Variants in LCORL observed in about 807,000 individuals in gnomAD.
The protein encoded by LCORL is ligand-dependent nuclear receptor corepressor-like protein.
A neutral mutation model predicts 141.8 loss-of-function variants in LCORL; 41 were observed. The ratio of observed to expected loss-of-function variants is 0.29; its 90% CI spans 0.23 to 0.38. The LOEUF is 0.38. LCORL is among the 10% of genes least tolerant of loss of function. The pLI, the probability that LCORL is intolerant of heterozygous loss-of-function variation, is 1.00. For synonymous variants in LCORL, 618 were observed against 694.1 expected, an observed-to-expected ratio of 0.89 and a Z score of 1.72; for missense variants, 1,759 against 2,035.0, an observed-to-expected ratio of 0.86 and a Z score of 2.61.
intron 1 of LCORL, among the ~76,000 whole-genome samples, chr4:18,010,285 AAAG>A (rs1337462391): frequency 6.6e-6 from 1 of 152,188 alleles, no homozygotes; most frequent in African/African-American, 2.4e-5. Context: ...GTTAATTTAA[AAAG>A]AAGAAAAAAC....
intron 1 of LCORL, among the ~76,000 whole-genome samples, chr4:17,986,097 T>C (rs1400605243): frequency 6.6e-6 from 1 of 152,252 alleles, no homozygotes; most frequent in Non-Finnish European, 1.5e-5. Flanking sequence ...TCCGAATCTC[T>C]TCTGGCTTGT....
intron 7 of LCORL, among the ~76,000 whole-genome samples, chr4:17,851,403 T>C (rs547016878): frequency 3.6e-4 from 55 of 152,288 alleles, no homozygotes; most frequent in African/African-American, 1.3e-3. Flanking sequence ...TCCCCTCACA[T>C]TGAAATATGT....
chr4:17,893,481 T>C (rs1729416922), intron 5 of LCORL: 1 of 985,326 alleles, frequency 1.0e-6, no homozygotes, highest in Non-Finnish European at 1.2e-6. Flanking sequence ...TCTCATGTGG[T>C]AGGTCAGTGG....
At chr4:17,969,655 G>A (rs549696352) in intron 2 of LCORL, among the ~76,000 whole-genome samples, 150 of 152,216 alleles carry the variant, frequency 9.9e-4, no homozygotes, top group African/African-American at 3.4e-3. Flanking sequence ...ATATTATCCT[G>A]AAGGATGGCT....
intron 7 of LCORL, among the ~76,000 whole-genome samples, chr4:17,850,158 G>T (rs1723461091): frequency 6.9e-6 from 1 of 144,148 alleles, no homozygotes; most frequent in Admixed American, 6.9e-5. Context: ...TTAAACGTTA[G>T]ACCTAAAACC....
chr4:17,962,547 A>G (rs1394436177), intron 3 of LCORL, among the ~76,000 whole-genome samples: 2 of 152,066 alleles, frequency 1.3e-5, no homozygotes, highest in Non-Finnish European at 1.5e-5. Context: ...GATAATTATG[A>G]TATCCAAAAG....
At chr4:17,925,435 A>C (rs1734962994) in intron 4 of LCORL, among the ~76,000 whole-genome samples, 1 of 152,046 alleles carries the variant, frequency 6.6e-6, no homozygotes, top group African/African-American at 2.4e-5. Flanking sequence ...TCGGGTAAAA[A>C]CCCACAGCCC....
intron 1 of LCORL, among the ~76,000 whole-genome samples, chr4:17,995,830 G>A (rs779572061): frequency 2.0e-5 from 3 of 152,074 alleles, no homozygotes; most frequent in Non-Finnish European, 2.9e-5. Context: ...TAATGAATAT[G>A]GAGTGAAGAC....
At chr4:17,841,581 C>T (rs1030291758) in exon 8 of LCORL, 4 of 151,832 alleles carry the variant, frequency 2.6e-5, no homozygotes, top group African/African-American at 7.2e-5. Flanking sequence ...TCACATTGAA[C>T]AGTTTGGTTT....
chr4:17,996,826 G>C (rs1720995395), intron 1 of LCORL, among the ~76,000 whole-genome samples: 1 of 151,978 alleles, frequency 6.6e-6, no homozygotes, highest in Non-Finnish European at 1.5e-5. Flanking sequence ...ATGGATATCA[G>C]AATCATTGTT....
chr4:17,858,548 C>A (rs1724621799), intron 7 of LCORL, among the ~76,000 whole-genome samples: 1 of 150,708 alleles, frequency 6.6e-6, no homozygotes, highest in Admixed American at 6.6e-5. Flanking sequence ...TGGAGAAACC[C>A]TGTCTTTACT....
chr4:18,005,138 C>T lies in LCORL; in HGVS notation c.154+16460G>A, dbSNP rs1397488669. On this transcript the variant is annotated intron_variant, in intron 1 of 7. Transcript: ENST00000635767. Reference sequence around the variant, plus strand: ...TTCTCTATGTTGGCCAGGCTGGTCTCGAACTCCTGACCTCAGGCGATCCAC... The same window carrying T: ...TTCTCTATGTTGGCCAGGCTGGTCTTGAACTCCTGACCTCAGGCGATCCAC... Among the ~76,000 whole-genome samples the T allele has an allele frequency of 2.0e-5, 3 of 152,194 alleles. 1 individual carries two copies. Among genetic ancestry groups the T allele is most frequent in the South Asian group, 4.1e-4 (2 of 4,828 alleles).
At chr4:17,979,903 G>A (rs1046744891) in intron 1 of LCORL, among the ~76,000 whole-genome samples, 1 of 152,124 alleles carries the variant, frequency 6.6e-6, no homozygotes, top group Non-Finnish European at 1.5e-5. Context: ...AGGAGGCAGA[G>A]GAGTCAGAAA....
intron 5 of LCORL, among the ~76,000 whole-genome samples, chr4:17,894,180 T>C (rs1019781245): frequency 2.0e-5 from 3 of 152,156 alleles, no homozygotes; most frequent in African/African-American, 4.8e-5. Context: ...TAAAAAAATA[T>C]AGTAAGTCAA....
chr4:17,898,304 G>A (rs1730307881), intron 5 of LCORL, among the ~76,000 whole-genome samples: 1 of 152,018 alleles, frequency 6.6e-6, no homozygotes, highest in African/African-American at 2.4e-5. Context: ...TCAATGTTAT[G>A]TTACTAACAT....
intron 7 of LCORL, among the ~76,000 whole-genome samples, chr4:17,858,752 A>ATAC (rs1197673254): frequency 3.9e-4 from 59 of 151,654 alleles, no homozygotes; most frequent in Non-Finnish European, 3.5e-4. Flanking sequence ...AATAATAATA[A>ATAC]TAATAGCTAA....
chr4:17,995,238 A>AT (rs955036374), intron 1 of LCORL, among the ~76,000 whole-genome samples: 2 of 134,612 alleles, frequency 1.5e-5, no homozygotes, highest in Admixed American at 7.5e-5. Flanking sequence ...CTGTTCAGTC[A>AT]TTTTTTTTAG....
exon 7 of LCORL, chr4:17,876,439 A>G: frequency 8.1e-7 from 1 of 1,230,864 alleles, no homozygotes; most frequent in Non-Finnish European, 1.0e-6. Flanking sequence ...TGATTATTCC[A>G]GGATTTTTTG....
chr4:17,870,275 T>G (rs995650427), intron 7 of LCORL, among the ~76,000 whole-genome samples: 2 of 152,314 alleles, frequency 1.3e-5, no homozygotes, highest in Non-Finnish European at 1.5e-5. Flanking sequence ...TAATTTTGTT[T>G]GTTTGTTTTG....
Sources: allele counts gnomAD v4.1 joint callset (sites outside exome capture counted in the v4.1 genomes callset), GRCh38; gene constraint gnomAD v4.1.1; transcripts MANE v1.5; gene names NCBI Gene and HGNC (gene_info 2026-07-23, HGNC 2026-07-21).